SCAMP1: variants seen among roughly 807,000 people sequenced by gnomAD.
SCAMP1 encodes secretory carrier-associated membrane protein 1.
A neutral mutation model predicts 41.8 loss-of-function variants in SCAMP1; 15 were observed. The observed-to-expected ratio is 0.36, with a 90% CI of 0.24 to 0.55. SCAMP1 has a LOEUF of 0.55. SCAMP1 is among the 20% of genes least tolerant of loss of function. SCAMP1 has a pLI of 0.86. For synonymous variants in SCAMP1, 135 were observed against 136.8 expected, an observed-to-expected ratio of 0.99 and a Z score of 0.09; for missense variants, 341 against 412.6, an observed-to-expected ratio of 0.83 and a Z score of 1.50.
intron 6 of SCAMP1, among the ~76,000 whole-genome samples, chr5:78,429,311 G>A (rs1752540938): frequency 6.7e-6 from 1 of 149,656 alleles, no homozygotes; most frequent in South Asian, 2.1e-4. Flanking sequence ...GTTGGTCTCA[G>A]GAACCTCTCT....
At chr5:78,456,519 C>G (rs1473534764) in intron 7 of SCAMP1, among the ~76,000 whole-genome samples, 3 of 151,620 alleles carry the variant, frequency 2.0e-5, no homozygotes, top group Non-Finnish European at 4.4e-5. Context: ...GGCCCCCACT[C>G]TCTTCTGGCT....
intron 2 of SCAMP1, among the ~76,000 whole-genome samples, chr5:78,415,241 C>T (rs893852667): frequency 2.0e-5 from 3 of 152,196 alleles, no homozygotes; most frequent in Admixed American, 2.0e-4. Context: ...GCATGAGCCA[C>T]CATGCCTGGC....
intron 2 of SCAMP1, among the ~76,000 whole-genome samples, chr5:78,408,126 A>T (rs1055009972): frequency 6.6e-6 from 1 of 152,178 alleles, no homozygotes; most frequent in Non-Finnish European, 1.5e-5. Flanking sequence ...AGACCAGGTA[A>T]TTTATAAAGA....
intron 8 of SCAMP1, among the ~76,000 whole-genome samples, chr5:78,465,223 G>A (rs1753716132): frequency 6.6e-6 from 1 of 152,130 alleles, no homozygotes; most frequent in African/African-American, 2.4e-5. Context: ...TGTATTCTGG[G>A]TACGCAGCTG....
At chr5:78,440,505 C>T (rs1005998040) in intron 6 of SCAMP1, among the ~76,000 whole-genome samples, 4 of 152,180 alleles carry the variant, frequency 2.6e-5, no homozygotes, top group Non-Finnish European at 4.4e-5. Context: ...GTATCACCAG[C>T]GGAGGCTGCA....
intron 1 of SCAMP1, among the ~76,000 whole-genome samples, chr5:78,372,191 T>C (rs1750959071): frequency 6.6e-6 from 1 of 152,184 alleles, no homozygotes; most frequent in Admixed American, 6.5e-5. Context: ...AATCCTCTAA[T>C]GGTGGTTAGA....
chr5:78,430,751 C>T (rs1752600869), intron 6 of SCAMP1, among the ~76,000 whole-genome samples: 1 of 151,852 alleles, frequency 6.6e-6, no homozygotes, highest in Admixed American at 6.6e-5. Context: ...TGTTATGTTC[C>T]TACTTTATTA....
intron 1 of SCAMP1, among the ~76,000 whole-genome samples, chr5:78,367,800 T>TTAAA: frequency 6.6e-6 from 1 of 151,792 alleles, no homozygotes; most frequent in Middle Eastern, 3.5e-3. Flanking sequence ...TGCTGATGCA[T>TTAAA]AGCAGTTCTG....
intron 1 of SCAMP1, among the ~76,000 whole-genome samples, chr5:78,361,360 A>G (rs1750646539): frequency 2.6e-5 from 4 of 152,242 alleles, no homozygotes; most frequent in Admixed American, 2.6e-4. Context: ...GCAAAACTTA[A>G]AAATAAACAT....
At chr5:78,458,704 A>T (rs982419413) in intron 7 of SCAMP1, among the ~76,000 whole-genome samples, 2 of 152,062 alleles carry the variant, frequency 1.3e-5, no homozygotes, top group African/African-American at 4.8e-5. Context: ...ACATGGTGAA[A>T]CCCCGTCTCT....
In SCAMP1 at chr5:78,453,702, G is replaced by T. The variant is rs1271122909; in HGVS notation, c.734+3668G>T. On this transcript the variant is annotated intron_variant, in intron 7 of 8. Coordinates refer to ENST00000621999, the MANE Select transcript of SCAMP1 (RefSeq NM_004866.6). ...TTGGTTCCATATGAACTTTAAAGTA[G>T]TTTTTTCCAGTTCTGTGAAGAAAGT... 9.2e-5 allele frequency among the ~76,000 whole-genome samples: 14 copies of T among 152,318 alleles called. No individual in the cohort carries two copies. The East Asian group carries it at 1.7e-3, about 19-fold the overall frequency.
chr5:78,479,858 T>C lies in SCAMP1; in HGVS notation c.*4190T>C, dbSNP rs183057767. ...GAGATCGAAACCATCCTGGCTAACA[T>C]GGTGAAACCCCATCTCTACTAAAAA... On this transcript the variant is annotated 3_prime_UTR_variant, in exon 9 of 9. Coordinates refer to ENST00000621999, the MANE Select transcript of SCAMP1 (RefSeq NM_004866.6). Among the ~76,000 whole-genome samples, 4,795 of 151,578 alleles carry C rather than the reference T, an allele frequency of 0.032. 127 individuals are homozygous for C. The highest frequency in any genetic ancestry group is 0.075 in the African/African-American group (3,069 of 41,152).
chr5:78,403,108 TG>T (rs774732764), intron 2 of SCAMP1, among the ~76,000 whole-genome samples: 3 of 152,212 alleles, frequency 2.0e-5, no homozygotes, highest in Non-Finnish European at 4.4e-5. Flanking sequence ...TGGCCTCAAG[TG>T]ATCTGCCTGC....
intron 2 of SCAMP1, among the ~76,000 whole-genome samples, chr5:78,395,136 G>A (rs1038218866): frequency 1.3e-5 from 2 of 152,136 alleles, no homozygotes; most frequent in African/African-American, 4.8e-5. Context: ...GACCATCCAC[G>A]GTTTGACTTC....
intron 5 of SCAMP1, among the ~76,000 whole-genome samples, chr5:78,419,579 T>C (rs1399161245): frequency 6.6e-6 from 1 of 152,174 alleles, no homozygotes; most frequent in Admixed American, 6.5e-5. Context: ...CTGTTTCATT[T>C]TTATTCCAAA....
chr5:78,430,774 CATT>C (rs1752601410), intron 6 of SCAMP1, among the ~76,000 whole-genome samples: 1 of 151,946 alleles, frequency 6.6e-6, no homozygotes, highest in Admixed American at 6.6e-5. Flanking sequence ...TTTACATTAT[CATT>C]TAGTTTGCAG....
At chr5:78,474,215 AC>A (rs1753951283) in intron 8 of SCAMP1, among the ~76,000 whole-genome samples, 1 of 151,864 alleles carries the variant, frequency 6.6e-6, no homozygotes, top group African/African-American at 2.4e-5. Context: ...TGGCAAAATC[AC>A]CCCCGAAAAG....
chr5:78,407,105 T>C (rs1382784386), intron 2 of SCAMP1, among the ~76,000 whole-genome samples: 4 of 152,230 alleles, frequency 2.6e-5, no homozygotes, highest in Non-Finnish European at 5.9e-5. Flanking sequence ...TTTGGAGTTT[T>C]GGTCCATGTA....
At chr5:78,379,364 A>G (rs1236469008) in intron 1 of SCAMP1, among the ~76,000 whole-genome samples, 5 of 152,370 alleles carry the variant, frequency 3.3e-5, no homozygotes, top group East Asian at 1.9e-4. Context: ...GTTAGAGACT[A>G]TGGCTTCCTC....
Sources: gnomAD v4.1 joint callset for allele counts (sites outside exome capture counted in the v4.1 genomes callset) on GRCh38, gnomAD v4.1.1 for gene constraint, MANE v1.5 for transcripts, NCBI Gene and HGNC (gene_info 2026-07-23, HGNC 2026-07-21) for gene names.